CD2: variants seen among roughly 807,000 people sequenced by gnomAD.
CD2 encodes CD2 molecule.
CD2 carries 18 observed loss-of-function variants against 23.2 expected under a neutral mutation model. The ratio of observed to expected loss-of-function variants is 0.77; its 90% CI spans 0.54 to 1.15. The LOEUF is 1.15. Among genes scored for constraint, CD2 ranks in the 50% most tolerant of loss-of-function variants. CD2 has a pLI of 0.00. For synonymous variants in CD2, 162 were observed against 151.9 expected (o/e 1.07, Z -0.49); for missense variants, 424 against 423.1 (o/e 1.00, Z -0.02).
rs116045248 is a variant in CD2 at position 116,756,969 on chromosome 1, C to T, written c.382+2018C>T. 8.0e-3 allele frequency among the ~76,000 whole-genome samples: 1,207 copies of T among 150,954 alleles called. 9 individuals are homozygous for T. The highest frequency in any genetic ancestry group is 0.028 in the African/African-American group (1,151 of 41,124). On this transcript the variant is annotated intron_variant, in intron 2 of 4. Coordinates refer to ENST00000369478, the MANE Select transcript of CD2 (RefSeq NM_001767.5). Reference sequence around the variant, plus strand: ...TCTCAGTGCTAATGCCCTCCCACATCTCTTTGTTTCTCCAAGCTTCTCTTT... The same window carrying T: ...TCTCAGTGCTAATGCCCTCCCACATTTCTTTGTTTCTCCAAGCTTCTCTTT...
chr1:116,761,538 A>G (rs1571241139), intron 3 of CD2, among the ~76,000 whole-genome samples: 1 of 152,216 alleles, frequency 6.6e-6, no homozygotes, highest in African/African-American at 2.4e-5. Flanking sequence ...AAAGAGCAGG[A>G]ATAAGTGCCC....
chr1:116,766,220 C>T (rs1652210971), intron 4 of CD2, among the ~76,000 whole-genome samples: 1 of 152,212 alleles, frequency 6.6e-6, no homozygotes, highest in South Asian at 2.1e-4. Flanking sequence ...CCTGGGAGCA[C>T]ACATTTAGGC....
chr1:116,756,416 G>A (rs544739190), intron 2 of CD2, among the ~76,000 whole-genome samples: 4 of 152,158 alleles, frequency 2.6e-5, no homozygotes, highest in East Asian at 1.9e-4. Flanking sequence ...TATTTAAAGC[G>A]CCCAACAATA....
chr1:116,755,424 T>G lies in CD2; in HGVS notation c.382+473T>G, dbSNP rs370335261. ...CAGAAAAGGGCTGGAAACAACATAT[T>G]TAAGGATGAACAGCCCTTATTTTGG... On this transcript the variant is annotated intron_variant, in intron 2 of 4. Coordinates refer to ENST00000369478, the MANE Select transcript of CD2 (RefSeq NM_001767.5). 7.9e-5 allele frequency among the ~76,000 whole-genome samples: 12 copies of G among 152,252 alleles called. No individual in the cohort carries two copies. In the East Asian group the frequency reaches 1.5e-3, roughly 20 times the overall value.
At chr1:116,762,807 C>T (rs1652098205) in intron 3 of CD2, among the ~76,000 whole-genome samples, 1 of 152,208 alleles carries the variant, frequency 6.6e-6, no homozygotes, top group South Asian at 2.1e-4. Flanking sequence ...ACATTCCCCA[C>T]CAAAAGTACT....
chr1:116,762,332 G>A (rs1474255663), intron 3 of CD2, among the ~76,000 whole-genome samples: 1 of 152,210 alleles, frequency 6.6e-6, no homozygotes, highest in East Asian at 1.9e-4. Flanking sequence ...ATAAATATGT[G>A]TGTGTATTAG....
chr1:116,768,404 C>A, intron 4 of CD2, 60 bp from the exon 5 acceptor site: 1 of 1,507,524 alleles, frequency 6.6e-7, no homozygotes, highest in South Asian at 1.3e-5. Flanking sequence ...AAAAGGTACT[C>A]AATATTTACA....
At position 116,768,724 on chromosome 1, in the gene CD2, G is replaced by A. The variant is rs1652299811; in HGVS notation, c.997G>A (p.Val333Ile). 1 of 1,613,962 alleles carries A rather than the reference G, an allele frequency of 6.2e-7. No homozygotes were observed. Among genetic ancestry groups the A allele is most frequent in the African/African-American group, 1.3e-5 (1 of 74,892 alleles). The change falls in exon 5 of 5, where the codon GTT (valine) becomes ATT (isoleucine). Residue 333 changes from valine to isoleucine, a missense_variant. Physicochemically the swap from Val to Ile is conservative, Grantham distance 29. Coordinates refer to ENST00000369478, the MANE Select transcript of CD2 (RefSeq NM_001767.5). Reference sequence around the variant, plus strand: ...AGGCCCGCCCCTCCCCAGACCTCGAGTTCAGCCAAAACCTCCCCATGGGGC... The same window carrying A: ...AGGCCCGCCCCTCCCCAGACCTCGAATTCAGCCAAAACCTCCCCATGGGGC... Reference protein sequence around the residue: ...QKGPPLPRPRVQPKPPHGAAE... With the variant: ...QKGPPLPRPRIQPKPPHGAAE...
At chr1:116,768,271 T>C (rs1307577820) in intron 4 of CD2, among the ~76,000 whole-genome samples, 193 bp from the exon 5 acceptor site, 1 of 152,180 alleles carries the variant, frequency 6.6e-6, no homozygotes, top group Non-Finnish European at 1.5e-5. Flanking sequence ...TGTCCTAGGC[T>C]TTCACTCTAC....
chr1:116,765,893 C>A (rs564209553), intron 4 of CD2, among the ~76,000 whole-genome samples: 2 of 152,262 alleles, frequency 1.3e-5, no homozygotes, highest in Non-Finnish European at 2.9e-5. Context: ...TGTTTTATGT[C>A]TATTAGTGCA....
Position 116,760,584 on chromosome 1 carries a change from G to A in CD2, c.565G>A (p.Gly189Arg), listed in dbSNP as rs748611326. ...SLSAKFKCTAGNKVSKESSVE... is the reference protein window; with the variant it reads ...SLSAKFKCTARNKVSKESSVE... Reference sequence around the variant, plus strand: ...GAGTGCAAAATTCAAGTGCACAGCAGGGAACAAAGTCAGCAAGGAATCCAG... The same window carrying A: ...GAGTGCAAAATTCAAGTGCACAGCAAGGAACAAAGTCAGCAAGGAATCCAG... The change falls in exon 3 of 5, where the codon GGG (glycine) becomes AGG (arginine). Residue 189 changes from glycine (G) to arginine (R), a missense_variant. Gly to Arg is a moderately radical substitution (Grantham distance 125, BLOSUM62 -2). Coordinates refer to ENST00000369478, the MANE Select transcript of CD2 (RefSeq NM_001767.5). The A allele has an allele frequency of 2.5e-6, 4 of 1,614,168 alleles. No homozygotes were observed. Among genetic ancestry groups the A allele is most frequent in the Middle Eastern group, 3.3e-4 (2 of 6,062 alleles).
intron 2 of CD2, 48 bp downstream of exon 2, chr1:116,754,999 T>A: frequency 7.6e-7 from 1 of 1,324,178 alleles, no homozygotes; most frequent in Non-Finnish European, 1.1e-6. Flanking sequence ...GGGTGCTATT[T>A]GGCAAGTTGG....
At chr1:116,755,374 C>A (rs1244709746) in intron 2 of CD2, among the ~76,000 whole-genome samples, 3 of 152,200 alleles carry the variant, frequency 2.0e-5, no homozygotes, top group Non-Finnish European at 4.4e-5. Context: ...TCAAGCCAGG[C>A]TGCCCTGAAG....
At chr1:116,762,674 A>G (rs1338286709) in intron 3 of CD2, among the ~76,000 whole-genome samples, 1 of 152,210 alleles carries the variant, frequency 6.6e-6, no homozygotes, top group Non-Finnish European at 1.5e-5. Context: ...ATAATTTGTC[A>G]CATAAACTCA....
At chr1:116,759,195 C>T (rs1393604016) in intron 2 of CD2, among the ~76,000 whole-genome samples, 9 of 152,228 alleles carry the variant, frequency 5.9e-5, no homozygotes, top group African/African-American at 2.2e-4. Context: ...TCTTCCTTCT[C>T]AGTAACGCAG....
chr1:116,764,660 C>T (rs572116803), intron 4 of CD2, 54 bp downstream of exon 4: 1 of 1,320,926 alleles, frequency 7.6e-7, no homozygotes, highest in Non-Finnish European at 1.1e-6. Context: ...CCCCATGAAA[C>T]AGCTCATGGG....
At chr1:116,762,924 G>A (rs1255773427) in intron 3 of CD2, among the ~76,000 whole-genome samples, 3 of 152,204 alleles carry the variant, frequency 2.0e-5, no homozygotes, top group Non-Finnish European at 4.4e-5. Context: ...CACCCTACCC[G>A]ATGACTTGGA....
At chr1:116,757,432 T>C (rs532596804) in intron 2 of CD2, among the ~76,000 whole-genome samples, 2 of 152,240 alleles carry the variant, frequency 1.3e-5, no homozygotes, top group East Asian at 3.9e-4. Context: ...CAACTCAGAA[T>C]TAAGGAGTTC....
At chr1:116,765,666 G>C (rs1029511306) in intron 4 of CD2, among the ~76,000 whole-genome samples, 1 of 152,146 alleles carries the variant, frequency 6.6e-6, no homozygotes, top group Non-Finnish European at 1.5e-5. Context: ...TCGCTGGCAG[G>C]GCCCTTAGGC....
Sources: gnomAD v4.1 joint callset for allele counts (sites outside exome capture counted in the v4.1 genomes callset) on GRCh38, gnomAD v4.1.1 for gene constraint, MANE v1.5 for transcripts, NCBI Gene and HGNC (gene_info 2026-07-23, HGNC 2026-07-21) for gene names.